CYFIP1: variants seen among roughly 807,000 people sequenced by gnomAD.
CYFIP1 encodes the protein cytoplasmic FMR1 interacting protein 1, also known as cytoplasmic FMR1-interacting protein 1.
CYFIP1 carries 58 observed loss-of-function variants against 163.5 expected under a neutral mutation model. That is an observed-to-expected ratio of 0.35 (90% CI 0.29 to 0.44). CYFIP1 has a LOEUF of 0.44. Among genes scored for constraint, CYFIP1 ranks in the 20% least tolerant of loss-of-function variants. The probability of loss-of-function intolerance (pLI) is 1.00; values close to 1 mark genes in which losing one functional copy is unlikely to be tolerated. For synonymous variants in CYFIP1, 663 were observed against 660.7 expected, an observed-to-expected ratio of 1.00 and a Z score of -0.05; for missense variants, 1,338 against 1,653.8, an observed-to-expected ratio of 0.81 and a Z score of 3.31.
At chr15:22,871,580 G>A (rs545548211) in intron 30 of CYFIP1, among the ~76,000 whole-genome samples, 12 of 152,290 alleles carry the variant, frequency 7.9e-5, no homozygotes, top group Non-Finnish European at 1.8e-4. Context: ...TCCACTCCAC[G>A]GGGCCTGGGC....
Position 22,917,959 on chromosome 15 carries a change from G to A in CYFIP1, c.1527-24C>T, listed in dbSNP as rs2061048701. 1.9e-6 allele frequency: 3 copies of A among 1,607,096 alleles called. No individual in the cohort carries two copies. Among genetic ancestry groups the A allele is most frequent in the Non-Finnish European group, 2.5e-6 (3 of 1,176,882 alleles). On this transcript the variant is annotated intron_variant, in intron 14 of 30. Coordinates refer to ENST00000617928, the MANE Select transcript of CYFIP1 (RefSeq NM_014608.6). This position sits in a 1 kb window ranked among gnomAD's most constrained non-coding sequence, Gnocchi z 4.2. Reference sequence around the variant, plus strand: ...CACTGAACACCCCACCAAGTGATCAGCAAGGCCCAGAGGCCGAGACCTCCA... The same window carrying A: ...CACTGAACACCCCACCAAGTGATCAACAAGGCCCAGAGGCCGAGACCTCCA...
chr15:22,915,519 G>A (rs1479639970), intron 16 of CYFIP1, among the ~76,000 whole-genome samples: 1 of 152,126 alleles, frequency 6.6e-6, no homozygotes, highest in Non-Finnish European at 1.5e-5. Flanking sequence ...GGGAGGCCGA[G>A]GCGGGTGGAT....
At chr15:22,877,937 G>A (rs1039827173) in intron 26 of CYFIP1, among the ~76,000 whole-genome samples, 3 of 152,242 alleles carry the variant, frequency 2.0e-5, no homozygotes, top group Non-Finnish European at 4.4e-5. Context: ...CACCGCACAG[G>A]CTGGTGTGAG....
At chr15:22,940,788 C>T (rs559961735) in intron 6 of CYFIP1, among the ~76,000 whole-genome samples, 36 of 152,320 alleles carry the variant, frequency 2.4e-4, no homozygotes, top group African/African-American at 8.7e-4. Context: ...TGCCAGTAAT[C>T]CCAGCATTTT....
chr15:22,951,405 C>A, intron 1 of CYFIP1: 2 of 1,289,018 alleles, frequency 1.6e-6, no homozygotes, highest in African/African-American at 1.5e-5. Context: ...AGGGTCCAGC[C>A]CCAGCGCTGC....
chr15:22,913,605 TAAAAAAA>T (rs33967385), intron 17 of CYFIP1, among the ~76,000 whole-genome samples: 1 of 66,994 alleles, frequency 1.5e-5, no homozygotes, highest in Non-Finnish European at 2.7e-5. Flanking sequence ...TAGACAGCAT[TAAAAAAA>T]AAAAAAAAAA....
chr15:22,957,102 C>T (rs2062488623), intron 1 of CYFIP1, among the ~76,000 whole-genome samples: 1 of 152,180 alleles, frequency 6.6e-6, no homozygotes, highest in African/African-American at 2.4e-5. Context: ...TGGCAGGCGG[C>T]ACGCCGACGC....
intron 22 of CYFIP1, among the ~76,000 whole-genome samples, chr15:22,894,376 G>A (rs1595535248): frequency 7.7e-6 from 1 of 130,280 alleles, no homozygotes; most frequent in South Asian, 2.7e-4. Flanking sequence ...CACAACCTCC[G>A]CCTTCCGGAT....
chr15:22,917,843 T>C lies in CYFIP1; in HGVS notation c.1619A>G (p.Lys540Arg). 1.9e-6 allele frequency: 3 copies of C among 1,613,926 alleles called. No individual in the cohort carries two copies. The highest frequency in any genetic ancestry group is 2.5e-6 in the Non-Finnish European group (3 of 1,179,950). The change falls in exon 15 of 31, where the codon AAG becomes AGG. Residue 540 changes from lysine to arginine, a missense_variant. By Grantham distance (26) the Lys-to-Arg change is conservative (BLOSUM62 2). This residue lies in a region of CYFIP1 where 824 missense variants were observed against 995.7 expected (regional missense o/e 0.83). Coordinates refer to ENST00000617928, the MANE Select transcript of CYFIP1 (RefSeq NM_014608.6). The surrounding 1 kb of genome is among the most constrained non-coding windows in gnomAD (Gnocchi z 4.2). The stretch of plus-strand genomic sequence containing the variant: ...TGGTACTTTTATGTCGAAGCCGCTC[T>C]TGGGGTCCTTCTCGCCCCGCAAGGC... ...DPALRGEKDP[K>R]SGFDIKVPRR...
At chr15:22,959,557 C>T (rs2062604630) in intron 1 of CYFIP1, among the ~76,000 whole-genome samples, 1 of 152,194 alleles carries the variant, frequency 6.6e-6, no homozygotes, top group African/African-American at 2.4e-5. Flanking sequence ...GCCATGGGCT[C>T]GGCTGGGCAC....
Position 22,917,832 on chromosome 15 carries a change from C to G in CYFIP1, c.1630G>C (p.Asp544His). 3 of 1,613,764 alleles carry G rather than the reference C, an allele frequency of 1.9e-6. 1 individual carries two copies. Among genetic ancestry groups the G allele is most frequent in the Non-Finnish European group, 2.5e-6 (3 of 1,179,918 alleles). The part of the protein sequence containing the change: ...RGEKDPKSGF[D>H]IKVPRRAVGP... ...ACGGCGCGGCGTGGTACTTTTATGT[C>G]GAAGCCGCTCTTGGGGTCCTTCTCG... Residue 544 changes from aspartate (D) to histidine (H), a missense_variant, in exon 15 of 31, where the codon GAC becomes CAC. By Grantham distance (81) the Asp-to-His change is moderately conservative (BLOSUM62 -1). Transcript: ENST00000617928. This position sits in a 1 kb window ranked among gnomAD's most constrained non-coding sequence, Gnocchi z 4.2.
At chr15:22,887,571 A>G (rs1009689754) in intron 23 of CYFIP1, among the ~76,000 whole-genome samples, 8 of 152,214 alleles carry the variant, frequency 5.3e-5, no homozygotes, top group South Asian at 2.1e-4. Context: ...TCAGGATGAC[A>G]GCTGTCAGAG....
At chr15:22,936,525 CG>C (rs1422595980) in intron 9 of CYFIP1, among the ~76,000 whole-genome samples, 2 of 152,174 alleles carry the variant, frequency 1.3e-5, no homozygotes, top group Non-Finnish European at 2.9e-5. Context: ...GTGGCACCAG[CG>C]GCGCATTCTC....
intron 1 of CYFIP1, among the ~76,000 whole-genome samples, chr15:22,972,157 T>G (rs562603459): frequency 2.0e-5 from 3 of 152,120 alleles, no homozygotes; most frequent in Admixed American, 6.5e-5. Flanking sequence ...CTACAGAGGC[T>G]GGGCATGGTG....
At chr15:22,925,352 T>C (rs551128554) in intron 13 of CYFIP1, among the ~76,000 whole-genome samples, 1 of 152,198 alleles carries the variant, frequency 6.6e-6, no homozygotes, top group East Asian at 2.0e-4. Context: ...CGACAGCAAC[T>C]GACACTGGGT....
chr15:22,944,799 G>T, intron 4 of CYFIP1, 63 bp downstream of exon 4: 1 of 1,558,958 alleles, frequency 6.4e-7, no homozygotes, highest in East Asian at 2.2e-5. Context: ...AGGGGCAGGG[G>T]TGTGGTGTGG....
intron 25 of CYFIP1, 118 bp from the exon 26 acceptor site, chr15:22,880,161 G>C (rs2059712790): frequency 1.4e-6 from 2 of 1,385,684 alleles, no homozygotes; most frequent in South Asian, 2.4e-5. Flanking sequence ...TGGCTATAAG[G>C]ACAGCCACAA....
intron 22 of CYFIP1, among the ~76,000 whole-genome samples, chr15:22,899,314 C>T (rs2060326107): frequency 6.6e-6 from 1 of 152,146 alleles, no homozygotes; most frequent in South Asian, 2.1e-4. Flanking sequence ...TCAGTATAAA[C>T]TTATAGTTTT....
At chr15:22,933,933 T>G (rs1178009748) in intron 9 of CYFIP1, 40 bp from the exon 10 acceptor site, 16 of 1,435,874 alleles carry the variant, frequency 1.1e-5, no homozygotes, top group Non-Finnish European at 1.6e-5. Context: ...ATTATGTATA[T>G]TTAGTCACCA....
Sources: allele counts gnomAD v4.1 joint callset (sites outside exome capture counted in the v4.1 genomes callset), GRCh38; gene constraint gnomAD v4.1.1; regional missense constraint gnomAD v4.1.1; non-coding constraint Gnocchi (gnomAD v3.1); transcripts MANE v1.5; gene names NCBI Gene and HGNC (gene_info 2026-07-23, HGNC 2026-07-21).